Variants in TMX4 observed in about 807,000 individuals in gnomAD.
TMX4 encodes thioredoxin-related transmembrane protein 4.
In TMX4, 23 loss-of-function variants were observed where a neutral mutation model predicts 33.3. The ratio of observed to expected loss-of-function variants is 0.69; its 90% CI spans 0.50 to 0.98. The LOEUF (loss-of-function observed/expected upper bound fraction) is 0.98, where lower values mean the gene tolerates loss of function less well. Ranked by LOEUF, TMX4 falls within the 50% of genes least tolerant of loss-of-function variation. TMX4 has a pLI of 0.00. For missense variants in TMX4, 399 were observed against 448.9 expected (o/e 0.89, Z 1.01); for synonymous variants, 164 against 161.5 (o/e 1.02, Z -0.12).
chr20:7,991,688 G>A (rs2050655620), intron 5 of TMX4, among the ~76,000 whole-genome samples: 1 of 152,132 alleles, frequency 6.6e-6, no homozygotes, highest in Non-Finnish European at 1.5e-5. Flanking sequence ...ATTCCACGTT[G>A]GCTATAAAGA....
chr20:7,994,400 C>A (rs1441449148), intron 5 of TMX4, among the ~76,000 whole-genome samples: 1 of 152,086 alleles, frequency 6.6e-6, no homozygotes, highest in African/African-American at 2.4e-5. Flanking sequence ...GATAAAACAC[C>A]CACTCCTGGC....
intron 5 of TMX4, 34 bp downstream of exon 5, chr20:7,995,992 T>G: frequency 6.5e-7 from 1 of 1,534,884 alleles, no homozygotes. Flanking sequence ...TTAACCTCTC[T>G]GCAAATATAA....
intron 2 of TMX4, among the ~76,000 whole-genome samples, chr20:8,008,286 CA>C (rs1343031204): frequency 6.6e-6 from 1 of 152,044 alleles, no homozygotes; most frequent in Non-Finnish European, 1.5e-5. Context: ...ATTGTTCAAA[CA>C]CATAAAATAA....
At chr20:8,017,078 T>C (rs1006413955) in intron 1 of TMX4, among the ~76,000 whole-genome samples, 7 of 152,232 alleles carry the variant, frequency 4.6e-5, no homozygotes, top group African/African-American at 1.4e-4. Context: ...ATATAATGAA[T>C]TTTATATTTT....
intron 4 of TMX4, 21 bp downstream of exon 4, chr20:7,999,711 T>G (rs200048630): frequency 2.7e-5 from 43 of 1,606,248 alleles, no homozygotes; most frequent in Non-Finnish European, 3.2e-5. Flanking sequence ...AGTAACACCT[T>G]GTCTTAAAAA....
intron 2 of TMX4, among the ~76,000 whole-genome samples, chr20:8,008,171 CAAAT>C (rs1363322071): frequency 6.6e-6 from 1 of 152,136 alleles, no homozygotes; most frequent in Non-Finnish European, 1.5e-5. Flanking sequence ...CTATGTCTCT[CAAAT>C]AATCATGCAT....
chr20:7,984,479 A>G (rs1458196713), intron 6 of TMX4, among the ~76,000 whole-genome samples: 5 of 152,206 alleles, frequency 3.3e-5, no homozygotes, highest in Admixed American at 3.3e-4. Context: ...GGAGAACAAT[A>G]AGCTCTAAGC....
intron 1 of TMX4, among the ~76,000 whole-genome samples, chr20:8,017,102 G>GT (rs1444741537): frequency 6.6e-6 from 1 of 150,918 alleles, no homozygotes; most frequent in Non-Finnish European, 1.5e-5. Context: ...AAGTACTGGA[G>GT]TTTTTTTCAC....
chr20:8,014,639 C>T (rs1187287906), intron 1 of TMX4, among the ~76,000 whole-genome samples: 1 of 152,128 alleles, frequency 6.6e-6, no homozygotes, highest in Non-Finnish European at 1.5e-5. Flanking sequence ...CAAGACACAA[C>T]CAAAGCATAG....
In TMX4 at chr20:7,979,327, A is replaced by G. The variant is rs1273927373; in HGVS notation, c.*2924T>C. The G allele has an allele frequency of 6.6e-6, 1 of 152,216 alleles. No individual in the cohort carries two copies. Among genetic ancestry groups the G allele is most frequent in the African/African-American group, 2.4e-5 (1 of 41,448 alleles). The allele number at this position is 152,216 out of a possible 1,614,324, so 9.4% of individuals were successfully genotyped here. Reference sequence around the variant, plus strand: ...AAAACCCATCTTTGCCATGATGTTAAAAAAGGGAAAATCAGGAAAAATGGT... The same window carrying G: ...AAAACCCATCTTTGCCATGATGTTAGAAAAGGGAAAATCAGGAAAAATGGT... On this transcript the variant is annotated 3_prime_UTR_variant, in exon 8 of 8. Transcript: ENST00000246024.
intron 5 of TMX4, among the ~76,000 whole-genome samples, chr20:7,992,244 G>A (rs1433811346): frequency 6.6e-6 from 1 of 152,156 alleles, no homozygotes; most frequent in Non-Finnish European, 1.5e-5. Context: ...TCCTCTAACT[G>A]TCCCATCTCC....
intron 5 of TMX4, among the ~76,000 whole-genome samples, chr20:7,993,251 T>C (rs2050662572): frequency 6.6e-6 from 1 of 152,268 alleles, no homozygotes; most frequent in African/African-American, 2.4e-5. Flanking sequence ...TACACTTTTT[T>C]GGTTCCACCT....
intron 1 of TMX4, among the ~76,000 whole-genome samples, chr20:8,011,591 A>G (rs1371674905): frequency 6.6e-6 from 1 of 152,130 alleles, no homozygotes; most frequent in East Asian, 1.9e-4. Flanking sequence ...AAGATGAGTC[A>G]GGGGTTAAAA....
chr20:7,994,655 T>C (rs1326348271), intron 5 of TMX4, among the ~76,000 whole-genome samples: 2 of 152,186 alleles, frequency 1.3e-5, no homozygotes, highest in African/African-American at 4.8e-5. Flanking sequence ...GCACTTATCA[T>C]AGGTTTGGTG....
rs537492936 is a variant in TMX4 at position 7,979,930 on chromosome 20, C to A, written c.*2321G>T. On this transcript the variant is annotated 3_prime_UTR_variant, in exon 8 of 8. Transcript: ENST00000246024. The stretch of plus-strand genomic sequence containing the variant: ...ACAAAATTCATTTGTTTTATATACA[C>A]CTTATACAACATAGCTTGAAGGTAA... 69 of 152,138 alleles carry A rather than the reference C, an allele frequency of 4.5e-4. No homozygotes were observed. Among genetic ancestry groups the A allele is most frequent in the Admixed American group, 1.4e-3 (22 of 15,278 alleles). The allele number at this position is 152,138 out of a possible 1,614,324, so 9.4% of individuals were successfully genotyped here.
At chr20:7,990,013 C>T (rs966873534) in intron 5 of TMX4, among the ~76,000 whole-genome samples, 3 of 152,150 alleles carry the variant, frequency 2.0e-5, no homozygotes, top group Admixed American at 6.5e-5. Context: ...GTATCTTACT[C>T]GGGCTGGGCG....
intron 3 of TMX4, among the ~76,000 whole-genome samples, chr20:8,001,093 C>A (rs1351502900): frequency 6.6e-6 from 1 of 152,160 alleles, no homozygotes; most frequent in Non-Finnish European, 1.5e-5. Context: ...TCAGCATGAT[C>A]CAGCTATACC....
chr20:7,981,208 C>T lies in TMX4; in HGVS notation c.*1043G>A, dbSNP rs2050604353. On this transcript the variant is annotated 3_prime_UTR_variant, in exon 8 of 8. Transcript: ENST00000246024. ...TACTGGAGTTCATTAATTCTTTCAC[C>T]AAAAGCACATCACTGAAGGAAAATC... The T allele has an allele frequency of 6.6e-6, 1 of 151,964 alleles. No individual in the cohort carries two copies. The highest frequency in any genetic ancestry group is 2.1e-4 in the South Asian group (1 of 4,822). 9.4% of individuals were successfully genotyped at this position (151,964 alleles called of 1,614,324 possible). A position where few individuals can be genotyped will look rare whatever the true frequency, so the allele number is the denominator to read the frequency against.
chr20:7,990,182 C>T (rs1260342398), intron 5 of TMX4, among the ~76,000 whole-genome samples: 1 of 151,888 alleles, frequency 6.6e-6, no homozygotes, highest in Non-Finnish European at 1.5e-5. Context: ...GTAGTCCCAG[C>T]TATTTGGGAG....
Sources: allele counts gnomAD v4.1 joint callset (sites outside exome capture counted in the v4.1 genomes callset), GRCh38; gene constraint gnomAD v4.1.1; transcripts MANE v1.5; gene names NCBI Gene and HGNC (gene_info 2026-07-23, HGNC 2026-07-21).